SLC17A1: variants seen among roughly 807,000 people sequenced by gnomAD.
The protein encoded by SLC17A1 is solute carrier family 17 member 1.
SLC17A1 carries 51 observed loss-of-function variants against 53.5 expected under a neutral mutation model. The ratio of observed to expected loss-of-function variants is 0.95; its 90% CI spans 0.76 to 1.20. The LOEUF (loss-of-function observed/expected upper bound fraction) is 1.20, where lower values mean the gene tolerates loss of function less well. Among genes scored for constraint, SLC17A1 ranks in the 50% most tolerant of loss-of-function variants. The pLI is 0.00. For missense variants in SLC17A1, 538 were observed against 568.2 expected, an observed-to-expected ratio of 0.95 and a Z score of 0.54; for synonymous variants, 179 against 198.8, an observed-to-expected ratio of 0.90 and a Z score of 0.84.
chr6:25,763,640 G>C, the SLC17A1 span, among the ~76,000 whole-genome samples: 1 of 151,958 alleles, frequency 6.6e-6, no homozygotes, highest in African/African-American at 2.4e-5. Context: ...GGGTTCCATG[G>C]GATGTGGAGA....
chr6:25,830,694 C>T lies in SLC17A1; in HGVS notation c.-50-87G>A, dbSNP rs568371772. 1,196 of 779,656 alleles carry T rather than the reference C, an allele frequency of 1.5e-3. 15 individuals carry two copies. Among genetic ancestry groups the T allele is most frequent in the South Asian group, 0.012 (650 of 52,680 alleles). The allele number at this position is 779,656 out of a possible 1,614,324, so 48.3% of individuals were successfully genotyped here. On this transcript the variant is annotated intron_variant, in intron 1 of 12. Transcript: ENST00000244527. ...CCAGTACTCCTCTCTGATTTAAAACCGCTTCCAAGGATAACTTGCTCCATC... is the reference window on the plus strand; with the variant it reads ...CCAGTACTCCTCTCTGATTTAAAACTGCTTCCAAGGATAACTTGCTCCATC...
intron 8 of SLC17A1, 52 bp from the exon 9 acceptor site, chr6:25,811,822 GAC>G (rs750195573): frequency 5.0e-6 from 8 of 1,589,618 alleles, no homozygotes; most frequent in South Asian, 2.2e-5. Flanking sequence ...AAGCAGTACT[GAC>G]ACACAGAGTA....
chr6:25,788,506 T>TCC (rs1763431885), intron 12 of SLC17A1, among the ~76,000 whole-genome samples: 1 of 152,010 alleles, frequency 6.6e-6, no homozygotes, highest in African/African-American at 2.4e-5. Context: ...AGGGCGAGGA[T>TCC]TGTGTTCATG....
At chr6:25,756,277 C>T in the SLC17A1 span, among the ~76,000 whole-genome samples, 1 of 152,120 alleles carries the variant, frequency 6.6e-6, no homozygotes, top group South Asian at 2.1e-4. Flanking sequence ...CCTAGAAAAA[C>T]GTGACAAACT....
the SLC17A1 span, chr6:25,731,691 A>G: frequency 1.1e-6 from 1 of 881,584 alleles, no homozygotes; most frequent in Non-Finnish European, 1.7e-6. Flanking sequence ...ACTCTATAAT[A>G]AAATAAACAT....
At chr6:25,749,199 T>G in the SLC17A1 span, among the ~76,000 whole-genome samples, 1 of 152,238 alleles carries the variant, frequency 6.6e-6, no homozygotes, top group Non-Finnish European at 1.5e-5. Flanking sequence ...CAGTGCATTG[T>G]GCCCCTGGTT....
chr6:25,817,260 A>G (rs993417198), intron 6 of SLC17A1, among the ~76,000 whole-genome samples: 11 of 152,378 alleles, frequency 7.2e-5, no homozygotes, highest in African/African-American at 2.6e-4. Flanking sequence ...TCTTTAAAAC[A>G]GTATCTATTC....
At chr6:25,746,698 T>A in the SLC17A1 span, among the ~76,000 whole-genome samples, 1 of 152,188 alleles carries the variant, frequency 6.6e-6, no homozygotes, top group African/African-American at 2.4e-5. Flanking sequence ...GTATCATACT[T>A]TTGGATGACT....
At chr6:25,788,971 ATAGG>A (rs70977229) in intron 12 of SLC17A1, among the ~76,000 whole-genome samples, 39 of 151,802 alleles carry the variant, frequency 2.6e-4, no homozygotes, top group Admixed American at 7.2e-4. Context: ...GAATAGAAAG[ATAGG>A]TAGGTAGGTA....
chr6:25,780,497 C>G (rs970490527), downstream of SLC17A1: 2 of 152,056 alleles, frequency 1.3e-5, no homozygotes, highest in African/African-American at 4.8e-5. Flanking sequence ...GAAGAAAGAA[C>G]AGCATAAGCA....
chr6:25,810,586 C>A (rs1448516410), intron 10 of SLC17A1, among the ~76,000 whole-genome samples: 1 of 151,902 alleles, frequency 6.6e-6, no homozygotes, highest in African/African-American at 2.4e-5. Flanking sequence ...TGTCTGTTAT[C>A]AAAAATACAA....
rs1190657032 is a variant in SLC17A1, at chr6:25,807,098, C to T, written c.1178+4300G>A. Among the ~76,000 whole-genome samples, 7 of 152,120 alleles carry T rather than the reference C, an allele frequency of 4.6e-5. No individual in the cohort carries two copies. In the South Asian group the frequency reaches 1.4e-3, roughly 31 times the overall value. ...CTGATGGGAATGTAAATTACTACAA[C>T]TTCTATGGAAAACAGTATGGAGATT... On this transcript the variant is annotated intron_variant, in intron 10 of 12. Transcript: ENST00000244527.
At chr6:25,727,653 CT>C in the SLC17A1 span, among the ~76,000 whole-genome samples, 1 of 152,024 alleles carries the variant, frequency 6.6e-6, no homozygotes, top group Non-Finnish European at 1.5e-5. Flanking sequence ...TCCCAAAGTG[CT>C]GGGACTACAG....
At chr6:25,787,841 C>T (rs1163160734) in intron 12 of SLC17A1, among the ~76,000 whole-genome samples, 5 of 152,162 alleles carry the variant, frequency 3.3e-5, no homozygotes, top group Non-Finnish European at 7.3e-5. Flanking sequence ...CTAGCCCTTG[C>T]CCTCCAAGAC....
downstream of SLC17A1, chr6:25,779,058 CAG>C: frequency 6.2e-7 from 1 of 1,613,618 alleles, no homozygotes; most frequent in Non-Finnish European, 8.5e-7. Context: ...CTCCAGGATT[CAG>C]AGTTTGGTTG....
At chr6:25,752,719 G>A in the SLC17A1 span, among the ~76,000 whole-genome samples, 1 of 152,178 alleles carries the variant, frequency 6.6e-6, no homozygotes, top group Non-Finnish European at 1.5e-5. Context: ...TTGCGAGGCT[G>A]AGGTGGGCGG....
chr6:25,726,139 C>A, the SLC17A1 span: 1 of 1,534,360 alleles, frequency 6.5e-7, no homozygotes, highest in South Asian at 1.3e-5. Context: ...AAGTTACTTG[C>A]TTTGGGCTTT....
chr6:25,736,203 C>T, the SLC17A1 span, among the ~76,000 whole-genome samples: 24 of 152,198 alleles, frequency 1.6e-4, no homozygotes, highest in East Asian at 7.7e-4. Context: ...TTCTAGTCTA[C>T]GGTTACCCTA....
chr6:25,795,772 G>A (rs367952136), intron 12 of SLC17A1, among the ~76,000 whole-genome samples: 5 of 151,912 alleles, frequency 3.3e-5, no homozygotes, highest in East Asian at 3.9e-4. Context: ...CACAATTTAA[G>A]GTTGTCATAT....
Sources: allele counts gnomAD v4.1 joint callset (sites outside exome capture counted in the v4.1 genomes callset), GRCh38; gene constraint gnomAD v4.1.1; transcripts MANE v1.5; gene names NCBI Gene and HGNC (gene_info 2026-07-23, HGNC 2026-07-21).